Variants in TRIM37 observed in about 807,000 individuals in gnomAD.
TRIM37 encodes the protein tripartite motif containing 37.
A neutral mutation model predicts 129.8 loss-of-function variants in TRIM37; 80 were observed. The observed-to-expected ratio is 0.62, with a 90% CI of 0.51 to 0.74. TRIM37 has a LOEUF of 0.74. TRIM37 is among the 30% of genes least tolerant of loss of function. TRIM37 has a pLI of 0.00. For synonymous variants in TRIM37, 389 were observed against 387.1 expected, an observed-to-expected ratio of 1.00 and a Z score of -0.06; for missense variants, 1,054 against 1,176.5, an observed-to-expected ratio of 0.90 and a Z score of 1.52.
At chr17:59,093,415 T>C (rs1277799222) in intron 2 of TRIM37, among the ~76,000 whole-genome samples, 3 of 152,172 alleles carry the variant, frequency 2.0e-5, no homozygotes, top group South Asian at 4.1e-4. Flanking sequence ...CTGCCTAAGA[T>C]ATTCTTCAAA....
At chr17:59,096,042 T>G (rs1412525523) in intron 2 of TRIM37, among the ~76,000 whole-genome samples, 1 of 152,132 alleles carries the variant, frequency 6.6e-6, no homozygotes, top group Non-Finnish European at 1.5e-5. Flanking sequence ...CTTACAAACA[T>G]CTATACCACT....
intron 16 of TRIM37, among the ~76,000 whole-genome samples, chr17:59,044,325 C>T (rs867208171): frequency 5.1e-4 from 78 of 151,952 alleles, no homozygotes; most frequent in African/African-American, 1.9e-3. Context: ...ATAAAGCCGG[C>T]CGGGTGCTGT....
chr17:59,001,585 T>C lies in TRIM37; in HGVS notation c.2812+13A>G, dbSNP rs746764908. The C allele has an allele frequency of 6.2e-7, 1 of 1,613,736 alleles. No homozygotes were observed. Among genetic ancestry groups the C allele is most frequent in the South Asian group, 1.1e-5 (1 of 91,064 alleles). On this transcript the variant is annotated intron_variant, in intron 23 of 23. Coordinates refer to ENST00000262294, the MANE Select transcript of TRIM37 (RefSeq NM_015294.6). ...TTTTAGTAATCTGTGTAAAATGACATCATGTGCTGCACCTTCATCCGGGGG... is the reference window on the plus strand; with the variant it reads ...TTTTAGTAATCTGTGTAAAATGACACCATGTGCTGCACCTTCATCCGGGGG...
chr17:59,036,134 G>A (rs958176266), intron 17 of TRIM37, among the ~76,000 whole-genome samples: 1 of 152,118 alleles, frequency 6.6e-6, no homozygotes, highest in Non-Finnish European at 1.5e-5. Flanking sequence ...TGGTCCAGGT[G>A]CAATAGCTCA....
chr17:59,047,969 G>A, intron 15 of TRIM37, 150 bp from the exon 16 acceptor site: 2 of 878,062 alleles, frequency 2.3e-6, no homozygotes, highest in South Asian at 1.5e-5. Flanking sequence ...GAGCCCTGTA[G>A]AGAAAAATCA....
At chr17:59,055,154 C>T (rs960084373) in intron 13 of TRIM37, among the ~76,000 whole-genome samples, 2 of 151,446 alleles carry the variant, frequency 1.3e-5, no homozygotes, top group Non-Finnish European at 2.9e-5. Flanking sequence ...CTGATCAACA[C>T]GGAGAAACCC....
chr17:59,094,826 A>G (rs909595296), intron 2 of TRIM37, among the ~76,000 whole-genome samples: 1 of 152,212 alleles, frequency 6.6e-6, no homozygotes, highest in African/African-American at 2.4e-5. Flanking sequence ...GATGCATACT[A>G]CAAGTCCAAA....
the TRIM37 span, among the ~76,000 whole-genome samples, chr17:58,977,452 A>G: frequency 6.6e-6 from 1 of 152,008 alleles, no homozygotes; most frequent in African/African-American, 2.4e-5. Flanking sequence ...AAAAAAAAAA[A>G]AAAAGAAATA....
At chr17:59,042,106 G>T (rs1056510222) in intron 16 of TRIM37, among the ~76,000 whole-genome samples, 5 of 152,044 alleles carry the variant, frequency 3.3e-5, no homozygotes, top group African/African-American at 1.2e-4. Context: ...GCCGGGCGCG[G>T]TGGCTCATGC....
chr17:58,983,695 T>C (rs978181397), intron 24 of TRIM37: 1 of 152,688 alleles, frequency 6.5e-6, no homozygotes, highest in South Asian at 2.1e-4. Context: ...TTTTGTATTT[T>C]TATTCATTGT....
intron 8 of TRIM37, among the ~76,000 whole-genome samples, chr17:59,073,668 T>C (rs922310066): frequency 7.2e-5 from 11 of 152,220 alleles, no homozygotes; most frequent in African/African-American, 2.7e-4. Context: ...GGTACAATCA[T>C]AGCACACTGA....
At chr17:59,077,039 C>T (rs935946743) in intron 7 of TRIM37, among the ~76,000 whole-genome samples, 5 of 152,120 alleles carry the variant, frequency 3.3e-5, no homozygotes, top group African/African-American at 4.8e-5. Flanking sequence ...CCACCCGCCT[C>T]GGCCTCCCAA....
At chr17:59,012,250 A>ACCACCACCCACCAC (rs1555639679) in intron 22 of TRIM37, 78 bp downstream of exon 22, 1 of 833,786 alleles carries the variant, frequency 1.2e-6, no homozygotes, top group Non-Finnish European at 2.0e-6. Context: ...CACCACCACC[A>ACCACCACCCACCAC]CCACCACCCA....
At chr17:59,018,722 GTT>G (rs202036450) in intron 19 of TRIM37, among the ~76,000 whole-genome samples, 1 of 140,276 alleles carries the variant, frequency 7.1e-6, no homozygotes, top group African/African-American at 2.6e-5. Context: ...TAGTAGCTGT[GTT>G]TTTTTTTTTT....
chr17:59,104,495 G>C (rs1354737983), intron 1 of TRIM37, 101 bp from the exon 2 acceptor site: 1 of 1,047,900 alleles, frequency 9.5e-7, no homozygotes, highest in Non-Finnish European at 1.5e-6. Flanking sequence ...ATTTTGGGCT[G>C]ATCTCTCAAT....
intron 1 of TRIM37, among the ~76,000 whole-genome samples, chr17:59,106,080 G>T (rs2045960151): frequency 6.6e-6 from 1 of 152,196 alleles, no homozygotes; most frequent in African/African-American, 2.4e-5. Flanking sequence ...AGGAGATTTA[G>T]ATCAGCTCAA....
chr17:58,973,028 G>C, the TRIM37 span: 1 of 710,564 alleles, frequency 1.4e-6, no homozygotes, highest in Non-Finnish European at 2.4e-6. Flanking sequence ...TATGTTACCA[G>C]AATGCTTATT....
chr17:59,041,937 AC>A (rs2039209075), intron 16 of TRIM37, 39 bp from the exon 17 acceptor site: 3 of 1,477,354 alleles, frequency 2.0e-6, no homozygotes, highest in Non-Finnish European at 2.8e-6. Flanking sequence ...ATAGAGTGAT[AC>A]AATAAACGTT....
At chr17:59,014,937 G>A (rs959733833) in intron 21 of TRIM37, among the ~76,000 whole-genome samples, 2 of 151,052 alleles carry the variant, frequency 1.3e-5, no homozygotes, top group African/African-American at 4.9e-5. Context: ...TCAGCTGGGC[G>A]TGGTGGTGGG....
Sources: allele counts gnomAD v4.1 joint callset (sites outside exome capture counted in the v4.1 genomes callset), GRCh38; gene constraint gnomAD v4.1.1; transcripts MANE v1.5; gene names NCBI Gene and HGNC (gene_info 2026-07-23, HGNC 2026-07-21).